Variants in NF1 observed in about 807,000 individuals in gnomAD.
The protein encoded by NF1 is neurofibromin.
NF1 carries 122 observed loss-of-function variants against 325.7 expected under a neutral mutation model. That is an observed-to-expected ratio of 0.37 (90% CI 0.32 to 0.44). NF1 has a LOEUF of 0.44. NF1 is among the 20% of genes least tolerant of loss of function. The probability of loss-of-function intolerance (pLI) is 1.00; values close to 1 mark genes in which losing one functional copy is unlikely to be tolerated. For synonymous variants in NF1, 1,091 were observed against 1,186.0 expected (o/e 0.92, Z 1.65); for missense variants, 2,140 against 3,415.4 (o/e 0.63, Z 9.31).
chr17:31,266,619 C>T (rs17883516), intron 36 of NF1, among the ~76,000 whole-genome samples: 25 of 152,102 alleles, frequency 1.6e-4, no homozygotes, highest in South Asian at 2.1e-4. Context: ...TTTACTTTTC[C>T]GTTGTTGTCT....
At chr17:31,317,272 G>A (rs2069044471) in intron 36 of NF1, among the ~76,000 whole-genome samples, 1 of 151,766 alleles carries the variant, frequency 6.6e-6, no homozygotes, top group Admixed American at 6.6e-5. Context: ...TTGAAGATGG[G>A]GGGGTTCTCA....
chr17:31,256,092 C>A (rs2067578207), intron 31 of NF1, among the ~76,000 whole-genome samples: 1 of 152,062 alleles, frequency 6.6e-6, no homozygotes, highest in African/African-American at 2.4e-5. Flanking sequence ...TGCTAACTCA[C>A]TCCTTAAAGG....
intron 16 of NF1, among the ~76,000 whole-genome samples, chr17:31,224,036 G>A (rs1055611940): frequency 2.6e-5 from 4 of 152,024 alleles, no homozygotes; most frequent in African/African-American, 9.7e-5. Context: ...CTGAGAAATC[G>A]TAAAGACCTA....
chr17:31,250,287 T>TAATA (rs1270127516), intron 30 of NF1: 3 of 249,272 alleles, frequency 1.2e-5, no homozygotes, highest in Non-Finnish European at 1.6e-5. Context: ...ATATGAAACT[T>TAATA]AATACAGTGA....
At chr17:31,304,565 CT>C in intron 36 of NF1, 1 of 1,614,130 alleles carries the variant, frequency 6.2e-7, no homozygotes. Context: ...CTTTCCTGTC[CT>C]TCCAAATCCA....
Position 31,374,392 on chromosome 17 carries a change from T to C in NF1, c.*237T>C, listed in dbSNP as rs943174923. 1 of 550,152 alleles carries C rather than the reference T, an allele frequency of 1.8e-6. No homozygotes were observed. Among genetic ancestry groups the C allele is most frequent in the Admixed American group, 3.1e-5 (1 of 32,304 alleles). The allele number at this position is 550,152 out of a possible 1,614,324, so 34.1% of individuals were successfully genotyped here. A position where few individuals can be genotyped will look rare whatever the true frequency, so the allele number is the denominator to read the frequency against. On this transcript the variant is annotated 3_prime_UTR_variant, in exon 58 of 58. Coordinates refer to ENST00000358273, the MANE Select transcript of NF1 (RefSeq NM_001042492.3). ...TTGGCGTGTATCTGGTATATGTAAGTGTTCAGAACAACTGCAAAGAAAGTG... is the reference window on the plus strand; with the variant it reads ...TTGGCGTGTATCTGGTATATGTAAGCGTTCAGAACAACTGCAAAGAAAGTG...
chr17:31,154,079 T>TTG (rs1917142318), intron 1 of NF1, among the ~76,000 whole-genome samples: 1 of 101,228 alleles, frequency 9.9e-6, no homozygotes, highest in African/African-American at 3.6e-5. Context: ...TTTTTTTTTT[T>TTG]GAGACAGAGT....
At position 31,352,368 on chromosome 17, in the gene NF1, C is replaced by T. The variant is rs786201476; in HGVS notation, c.7569C>T (p.Ser2523=). The change falls in exon 51 of 58, where the codon AGC becomes AGT. Residue 2523 remains serine (S), a synonymous_variant. Transcript: ENST00000358273. ...QTSPRARKSM[S]LDMGQPSQAN... is the part of the protein sequence containing the mutation. ...GTCCCCGAGCCAGGAAATCCATGAGCCTGGACATGGGGCAACCTTCTCAGG... is the reference window on the plus strand; with the variant it reads ...GTCCCCGAGCCAGGAAATCCATGAGTCTGGACATGGGGCAACCTTCTCAGG... 6.2e-7 allele frequency: 1 copy of T among 1,614,048 alleles called. No individual in the cohort carries two copies. Among genetic ancestry groups the T allele is most frequent in the Non-Finnish European group, 8.5e-7 (1 of 1,180,004 alleles).
chr17:31,166,973 A>G (rs2065857184), intron 4 of NF1, among the ~76,000 whole-genome samples: 1 of 152,120 alleles, frequency 6.6e-6, no homozygotes, highest in African/African-American at 2.4e-5. Context: ...CAGTATGCCT[A>G]GACTTTCTAG....
chr17:31,105,868 C>T (rs951795618), intron 1 of NF1, among the ~76,000 whole-genome samples: 4 of 152,178 alleles, frequency 2.6e-5, no homozygotes, highest in Non-Finnish European at 5.9e-5. Flanking sequence ...ACTCCCGTGT[C>T]CCACCCCCAC....
Position 31,320,244 on chromosome 17 carries a change from A to C in NF1, c.4836-5576A>C, listed in dbSNP as rs140403330. 719 of 675,746 alleles carry C rather than the reference A, an allele frequency of 1.1e-3. 6 individuals are homozygous for C. In the African/African-American group the frequency reaches 0.011, roughly 11 times the overall value. 41.9% of individuals were successfully genotyped at this position (675,746 alleles called of 1,614,324 possible). On this transcript the variant is annotated intron_variant, in intron 36 of 57. Transcript: ENST00000358273. The stretch of plus-strand genomic sequence containing the variant: ...ATTTGAATGAACTAAAAGCAAAACT[A>C]TATTGTTCTCCTGAGATTTACTAAA...
In NF1 at chr17:31,163,392, C is replaced by T. The variant is rs1295344295; in HGVS notation, c.479+16C>T. On this transcript the variant is annotated intron_variant, in intron 4 of 57. Transcript: ENST00000358273. The stretch of plus-strand genomic sequence containing the variant: ...TTTCTACCAGGTTAGTGTGTAAATC[C>T]ACATGGGACTACTGAAGTAATATGA... The T allele has an allele frequency of 6.2e-7, 1 of 1,609,864 alleles. No individual in the cohort carries two copies. Among genetic ancestry groups the T allele is most frequent in the South Asian group, 1.1e-5 (1 of 90,972 alleles).
intron 57 of NF1, among the ~76,000 whole-genome samples, chr17:31,372,052 A>G (rs1279615872): frequency 6.6e-6 from 1 of 152,200 alleles, no homozygotes; most frequent in Non-Finnish European, 1.5e-5. Context: ...TTTCTGTAAC[A>G]TAATGAATAC....
At chr17:31,173,365 G>A (rs2065964082) in intron 5 of NF1, among the ~76,000 whole-genome samples, 1 of 152,060 alleles carries the variant, frequency 6.6e-6, no homozygotes, top group Non-Finnish European at 1.5e-5. Flanking sequence ...AGCCGAGATT[G>A]TGCCACTGCA....
chr17:31,142,953 A>G lies in NF1; in HGVS notation c.61-13030A>G, dbSNP rs138723137. 2.3e-3 allele frequency among the ~76,000 whole-genome samples: 342 copies of G among 151,990 alleles called. 1 individual carries two copies. The highest frequency in any genetic ancestry group is 8.0e-3 in the African/African-American group (331 of 41,480). On this transcript the variant is annotated intron_variant, in intron 1 of 57. Transcript: ENST00000358273. ...CCTTTGAATTGCCCCTTGTTTCTTG[A>G]AGTTTTTCCAATAAATATTCTTATT... is the stretch of plus-strand genomic sequence containing the variant.
chr17:31,165,518 G>A (rs2065830549), intron 4 of NF1, among the ~76,000 whole-genome samples: 1 of 152,114 alleles, frequency 6.6e-6, no homozygotes, highest in Admixed American at 6.5e-5. Flanking sequence ...GGCTTGAATG[G>A]TAGTTCTTTC....
intron 36 of NF1, among the ~76,000 whole-genome samples, chr17:31,274,356 C>T (rs2067961931): frequency 6.6e-6 from 1 of 152,070 alleles, no homozygotes; most frequent in East Asian, 1.9e-4. Flanking sequence ...TATTGGCCAG[C>T]ACACTTTAAA....
chr17:31,222,300 C>T, intron 15 of NF1: 1 of 1,044,562 alleles, frequency 9.6e-7, no homozygotes, highest in Non-Finnish European at 1.2e-6. Flanking sequence ...GTTTTTTGAA[C>T]TATGATCTTT....
intron 1 of NF1, among the ~76,000 whole-genome samples, chr17:31,130,288 C>T (rs529288041): frequency 3.2e-4 from 48 of 152,136 alleles, no homozygotes; most frequent in African/African-American, 8.9e-4. Flanking sequence ...CTGGAGGGGC[C>T]GAGGTGCTCC....
Sources: gnomAD v4.1 joint callset for allele counts (sites outside exome capture counted in the v4.1 genomes callset) on GRCh38, gnomAD v4.1.1 for gene constraint, MANE v1.5 for transcripts, NCBI Gene and HGNC (gene_info 2026-07-23, HGNC 2026-07-21) for gene names.